JCAD: variants seen among roughly 807,000 people sequenced by gnomAD.
The protein encoded by JCAD is junctional cadherin 5 associated.
JCAD carries 40 observed loss-of-function variants against 98.0 expected under a neutral mutation model. That is an observed-to-expected ratio of 0.41 (90% CI 0.32 to 0.53). JCAD has a LOEUF of 0.53. Among genes scored for constraint, JCAD ranks in the 20% least tolerant of loss-of-function variants. The pLI, the probability that JCAD is intolerant of heterozygous loss-of-function variation, is 0.31. For synonymous variants in JCAD, 691 were observed against 682.3 expected, an observed-to-expected ratio of 1.01 and a Z score of -0.20; for missense variants, 1,705 against 1,738.1, an observed-to-expected ratio of 0.98 and a Z score of 0.34.
chr10:30,079,449 T>A (rs149096194), intron 1 of JCAD, among the ~76,000 whole-genome samples: 160 of 151,960 alleles, frequency 1.1e-3, no homozygotes, highest in African/African-American at 3.7e-3. Context: ...GTGATGCAGA[T>A]GTTATTTTTC....
chr10:30,016,756 G>A lies in JCAD; in HGVS notation c.*1127C>T, dbSNP rs1228467052. On this transcript the variant is annotated 3_prime_UTR_variant, in exon 4 of 4. Coordinates refer to ENST00000375377, the MANE Select transcript of JCAD (RefSeq NM_020848.4). ...GTTTTTTGGTAATTCTAGTTGATAC[G>A]GCAGCAAAAATTGTCATGACAATGT... 1 of 152,098 alleles carries A rather than the reference G, an allele frequency of 6.6e-6. No homozygotes were observed. Among genetic ancestry groups the A allele is most frequent in the South Asian group, 2.1e-4 (1 of 4,820 alleles). 9.4% of individuals were successfully genotyped at this position (152,098 alleles called of 1,614,324 possible).
intron 2 of JCAD, among the ~76,000 whole-genome samples, chr10:30,037,654 A>G (rs1837142494): frequency 1.3e-5 from 2 of 151,832 alleles, no homozygotes; most frequent in African/African-American, 4.9e-5. Flanking sequence ...TTAAAAAAAA[A>G]TACACAAATA....
At chr10:30,051,307 C>CACACACACACACACAA (rs942139423) in intron 1 of JCAD, among the ~76,000 whole-genome samples, 2 of 151,450 alleles carry the variant, frequency 1.3e-5, no homozygotes, top group African/African-American at 4.9e-5. Flanking sequence ...CACACACACA[C>CACACACACACACACAA]AAGAGTTGAT....
upstream of JCAD, among the ~76,000 whole-genome samples, chr10:30,061,838 CT>C (rs1837706543): frequency 6.6e-6 from 1 of 151,812 alleles, no homozygotes; most frequent in Non-Finnish European, 1.5e-5. Context: ...TATAGAATTC[CT>C]GTTTCTCCTC....
chr10:30,043,699 C>G (rs1373091680), intron 2 of JCAD, among the ~76,000 whole-genome samples: 1 of 152,168 alleles, frequency 6.6e-6, no homozygotes, highest in Non-Finnish European at 1.5e-5. Context: ...GATGGTAACC[C>G]CAGGAGCTCA....
At chr10:30,099,213 T>C (rs142044462) in intron 1 of JCAD, among the ~76,000 whole-genome samples, 31 of 152,322 alleles carry the variant, frequency 2.0e-4, no homozygotes, top group African/African-American at 6.7e-4. Flanking sequence ...CTTTGAAACA[T>C]AAGACATCAT....
intron 2 of JCAD, among the ~76,000 whole-genome samples, chr10:30,065,879 C>T (rs1414934018): frequency 6.6e-6 from 1 of 152,134 alleles, no homozygotes; most frequent in Non-Finnish European, 1.5e-5. Flanking sequence ...CCAGGATCAA[C>T]TGGGGGAGGG....
At position 30,016,341 on chromosome 10, in the gene JCAD, T is replaced by G. The variant is rs1589671872; in HGVS notation, c.*1542A>C. ...AATAAAAGGGAAAAGGAGGACAGGG[T>G]GAAGGAAGGAGGGCAAGAGGTAGCA... On this transcript the variant is annotated 3_prime_UTR_variant, in exon 4 of 4. Transcript: ENST00000375377. The G allele has an allele frequency of 1.6e-5, 2 of 123,210 alleles. No homozygotes were observed. Among genetic ancestry groups the G allele is most frequent in the African/African-American group, 6.4e-5 (2 of 31,198 alleles). The allele number at this position is 123,210 out of a possible 1,614,324, so 7.6% of individuals were successfully genotyped here. A position where few individuals can be genotyped will look rare whatever the true frequency, so the allele number is the denominator to read the frequency against.
At chr10:30,025,147 A>G (rs1836762057) in intron 3 of JCAD, among the ~76,000 whole-genome samples, 1 of 152,084 alleles carries the variant, frequency 6.6e-6, no homozygotes, top group South Asian at 2.1e-4. Flanking sequence ...AGGAAGAGGG[A>G]AGGGCCCAGC....
At chr10:30,033,178 C>G (rs1837037537) in intron 2 of JCAD, among the ~76,000 whole-genome samples, 1 of 152,192 alleles carries the variant, frequency 6.6e-6, no homozygotes, top group South Asian at 2.1e-4. Flanking sequence ...AAATGTGAAC[C>G]TAAAACGCTC....
intron 2 of JCAD, among the ~76,000 whole-genome samples, chr10:30,067,239 G>A (rs1837800078): frequency 6.6e-6 from 1 of 152,054 alleles, no homozygotes; most frequent in Non-Finnish European, 1.5e-5. Flanking sequence ...CCTCCATTTG[G>A]GGAGAGAATG....
intron 1 of JCAD, among the ~76,000 whole-genome samples, chr10:30,049,304 G>A (rs889497596): frequency 3.9e-5 from 6 of 152,184 alleles, no homozygotes; most frequent in Non-Finnish European, 7.3e-5. Context: ...AAATAGAGCC[G>A]CTGCAGCCAT....
At chr10:30,112,517 T>C (rs1368853480) in intron 1 of JCAD, among the ~76,000 whole-genome samples, 4 of 151,808 alleles carry the variant, frequency 2.6e-5, no homozygotes, top group African/African-American at 9.7e-5. Context: ...ACGAAAAAAA[T>C]TACAATGCTA....
rs2132617966 is a variant in JCAD at position 30,028,898 on chromosome 10, T to C, written c.1250A>G (p.Tyr417Cys). Reference protein sequence around the residue: ...LPAHPRPVTAYDGFVQYIPFD... With the variant: ...LPAHPRPVTACDGFVQYIPFD... ...GGGAATGTACTGAACGAAGCCGTCA[T>C]AGGCAGTGACAGGTCGGGGATGTGC... is the stretch of plus-strand genomic sequence containing the variant. Residue 417 changes from tyrosine (Y) to cysteine (C), a missense_variant, in exon 3 of 4, where the codon TAT becomes TGT. This residue lies in a region of JCAD where 1,278 missense variants were observed against 1,243.1 expected (regional missense o/e 1.03). Transcript: ENST00000375377. 6.2e-7 allele frequency: 1 copy of C among 1,614,146 alleles called. No homozygotes were observed. Among genetic ancestry groups the C allele is most frequent in the Non-Finnish European group, 8.5e-7 (1 of 1,180,032 alleles).
chr10:30,022,966 C>T (rs928608140), intron 3 of JCAD, among the ~76,000 whole-genome samples: 4 of 152,138 alleles, frequency 2.6e-5, no homozygotes, highest in Non-Finnish European at 5.9e-5. Context: ...AAGCTCCATT[C>T]ATGGTAAGTG....
chr10:30,047,958 A>C, intron 1 of JCAD, 87 bp from the exon 2 acceptor site: 2 of 742,298 alleles, frequency 2.7e-6, no homozygotes, highest in Non-Finnish European at 4.3e-6. Flanking sequence ...CCCCCACCAA[A>C]CCAGACCATG....
At position 30,028,976 on chromosome 10, in the gene JCAD, G is replaced by A; in HGVS notation, c.1172C>T (p.Pro391Leu). 6.2e-7 allele frequency: 1 copy of A among 1,613,992 alleles called. No individual in the cohort carries two copies. The highest frequency in any genetic ancestry group is 8.5e-7 in the Non-Finnish European group (1 of 1,180,006). ...GASGQPPSGP[P>L]GTGNEYGVSP... ...CACACCATACTCATTCCCAGTTCCAGGGGGGCCTGAAGGAGGCTGACCGCT... is the reference window on the plus strand; with the variant it reads ...CACACCATACTCATTCCCAGTTCCAAGGGGGCCTGAAGGAGGCTGACCGCT... The change falls in exon 3 of 4, where the codon CCT becomes CTT. Residue 391 changes from proline (P) to leucine (L), a missense_variant. Physicochemically the swap from Pro to Leu is moderately conservative, Grantham distance 98. Around this residue, in one of 3 missense-constraint regions of JCAD, gnomAD observed 1,278 missense variants for 1,243.1 expected, o/e 1.03. Transcript: ENST00000375377.
At position 30,026,953 on chromosome 10, in the gene JCAD, C is replaced by G; in HGVS notation, c.3195G>C (p.Glu1065Asp). The G allele has an allele frequency of 6.2e-7, 1 of 1,614,206 alleles. No homozygotes were observed. Reference sequence around the variant, plus strand: ...TTGTGCTTGCTTCACCCAAAGACCCCTCTAGCTCACTGGCACCCTGTTCTT... The same window carrying G: ...TTGTGCTTGCTTCACCCAAAGACCCGTCTAGCTCACTGGCACCCTGTTCTT... ...PGQEQGASEL[E>D]GSLGEASTIE... Residue 1065 changes from glutamate to aspartate, a missense_variant, in exon 3 of 4, where the codon GAG becomes GAC. Physicochemically the swap from Glu to Asp is conservative, Grantham distance 45. Coordinates refer to ENST00000375377, the MANE Select transcript of JCAD (RefSeq NM_020848.4).
chr10:30,019,373 A>G lies in JCAD; in HGVS notation c.4046-1456T>C, dbSNP rs59870965. On this transcript the variant is annotated intron_variant, in intron 3 of 3. Coordinates refer to ENST00000375377, the MANE Select transcript of JCAD (RefSeq NM_020848.4). ...ACTCTGTCTCAAAAAAAAAAAAAAA[A>G]AAAAGAAAAAAAGAAATTGTATATA... 5.0e-3 allele frequency among the ~76,000 whole-genome samples: 654 copies of G among 131,826 alleles called. 5 individuals are homozygous for G. The highest frequency in any genetic ancestry group is 0.014 in the South Asian group (58 of 4,258). The allele number at this position is 131,826 out of a possible 152,430, so 86.5% of individuals were successfully genotyped here.
Sources: gnomAD v4.1 joint callset for allele counts (sites outside exome capture counted in the v4.1 genomes callset) on GRCh38, gnomAD v4.1.1 for gene constraint, gnomAD v4.1.1 regional missense constraint, MANE v1.5 for transcripts, NCBI Gene and HGNC (gene_info 2026-07-23, HGNC 2026-07-21) for gene names.